HAGH: variants seen among roughly 807,000 people sequenced by gnomAD.
HAGH encodes hydroxyacylglutathione hydrolase, mitochondrial.
HAGH carries 29 observed loss-of-function variants against 35.1 expected under a neutral mutation model. The observed-to-expected ratio is 0.83, with a 90% CI of 0.62 to 1.13. The LOEUF (loss-of-function observed/expected upper bound fraction) is 1.13. Among genes scored for constraint, HAGH ranks in the 50% most tolerant of loss-of-function variants. HAGH has a pLI of 0.00. For synonymous variants in HAGH, 225 were observed against 176.1 expected (o/e 1.28, Z -2.20); for missense variants, 478 against 419.6 (o/e 1.14, Z -1.22).
At position 1,816,941 on chromosome 16, in the gene HAGH, G is replaced by A. The variant is rs368219673; in HGVS notation, c.699C>T (p.His233=). 104 of 1,613,794 alleles carry A rather than the reference G, an allele frequency of 6.4e-5. No individual in the cohort carries two copies. In the Middle Eastern group the frequency reaches 6.6e-4, roughly 10 times the overall value. Residue 233 remains histidine, a synonymous_variant, in exon 7 of 9, where the codon CAC becomes CAT. Coordinates refer to ENST00000397356, the MANE Select transcript of HAGH (RefSeq NM_005326.6). Reference sequence around the variant, plus strand: ...GGATGGCGGCATTGCCGGGCTCCACGTGGCGTGCAAACTTGAGGTTGTTGA... The same window carrying A: ...GGATGGCGGCATTGCCGGGCTCCACATGGCGTGCAAACTTGAGGTTGTTGA... ...YTINNLKFAR[H]VEPGNAAIRE...
upstream of HAGH, chr16:1,827,105 C>G: frequency 7.5e-7 from 1 of 1,341,638 alleles, no homozygotes; most frequent in Non-Finnish European, 1.0e-6. Context: ...GCCCGGGTAC[C>G]CGGCAGATCG....
upstream of HAGH, chr16:1,827,188 A>C (rs769621726): frequency 6.4e-7 from 1 of 1,562,282 alleles, no homozygotes; most frequent in South Asian, 1.2e-5. Context: ...TGCCGTAGGC[A>C]TCAGCTGACC....
chr16:1,809,393 C>G lies in HAGH; in HGVS notation c.828-11G>C. The G allele has an allele frequency of 1.2e-6, 2 of 1,602,834 alleles. No homozygotes were observed. Among genetic ancestry groups the G allele is most frequent in the Non-Finnish European group, 1.7e-6 (2 of 1,175,690 alleles). On this transcript the variant is annotated splice_polypyrimidine_tract_variant and intron_variant, in intron 8 of 8. Coordinates refer to ENST00000397356, the MANE Select transcript of HAGH (RefSeq NM_005326.6). ...TGCACCGTCTTCTCCCTGCGGAGGCCAGCACCGGGCTGCAGGCTGTGCCGA... is the reference window on the plus strand; with the variant it reads ...TGCACCGTCTTCTCCCTGCGGAGGCGAGCACCGGGCTGCAGGCTGTGCCGA...
intron 7 of HAGH, among the ~76,000 whole-genome samples, chr16:1,814,912 T>C (rs1397568293): frequency 7.8e-6 from 1 of 127,866 alleles, no homozygotes; most frequent in Non-Finnish European, 1.6e-5. Context: ...AACAAACAAA[T>C]AAATATATAT....
chr16:1,824,610 G>T (rs1335386346), intron 1 of HAGH, among the ~76,000 whole-genome samples: 1 of 152,176 alleles, frequency 6.6e-6, no homozygotes, highest in Non-Finnish European at 1.5e-5. Flanking sequence ...GCCACGGCAG[G>T]GGCTTCTCCC....
intron 1 of HAGH, 125 bp from the exon 2 acceptor site, chr16:1,823,162 T>G: frequency 1.2e-6 from 1 of 807,938 alleles, no homozygotes; most frequent in Non-Finnish European, 2.0e-6. Flanking sequence ...CCAGGTATGG[T>G]GGTTCTTGCC....
chr16:1,810,092 G>A (rs992118127), intron 7 of HAGH: 116 of 492,968 alleles, frequency 2.4e-4, no homozygotes, highest in Non-Finnish European at 5.2e-5. Flanking sequence ...TTGAGCACAG[G>A]TCGAGGCTAC....
intron 3 of HAGH, among the ~76,000 whole-genome samples, chr16:1,820,545 C>T (rs2268675): frequency 0.23 from 35,535 of 152,146 alleles, 4,260 homozygotes; most frequent in South Asian, 0.36. Context: ...CTAGACGCGG[C>T]CTGTCTGCAG....
At position 1,809,313 on chromosome 16, in the gene HAGH, C is replaced by G. The variant is rs774458756; in HGVS notation, c.897G>C (p.Glu299Asp). 3.1e-6 allele frequency: 5 copies of G among 1,613,504 alleles called. No homozygotes were observed. The highest frequency in any genetic ancestry group is 2.2e-5 in the East Asian group (1 of 44,882). ...CCCGGGGCATCTTGAACTGGTCCTT[C>G]TCCCTGCGCACGGCCCGCATGGTGG... The part of the protein sequence containing the change: ...PVTTMRAVRR[E>D]KDQFKMPRD Residue 299 changes from glutamate (E) to aspartate (D), a missense_variant, in exon 9 of 9, where the codon GAG (glutamate) becomes GAC (aspartate). Physicochemically the swap from Glu to Asp is conservative, Grantham distance 45 (BLOSUM62 2). Transcript: ENST00000397356.
At position 1,809,784 on chromosome 16, in the gene HAGH, T is replaced by A. The variant is rs770285165; in HGVS notation, c.797A>T (p.Glu266Val). 5 of 1,613,656 alleles carry A rather than the reference T, an allele frequency of 3.1e-6. No individual in the cohort carries two copies. The African/African-American group carries it at 4.0e-5, about 13-fold the overall frequency. Residue 266 changes from glutamate (E) to valine (V), a missense_variant, in exon 8 of 9, where the codon GAG becomes GTG. By Grantham distance (121) the Glu-to-Val change is moderately radical (BLOSUM62 -2). Transcript: ENST00000397356. ...TCTCATGAAGGGGTTGTAGGTAAAC[T>A]CCTCTGCCAGGGTGGATGGCACTGT... ...EPTVPSTLAEEFTYNPFMRVR... is the reference protein window; with the variant it reads ...EPTVPSTLAEVFTYNPFMRVR...
upstream of HAGH, chr16:1,827,150 G>A (rs545879432): frequency 3.5e-5 from 53 of 1,508,460 alleles, no homozygotes; most frequent in South Asian, 5.1e-5. Flanking sequence ...GGGGGACAGC[G>A]TTCCGAGGCA....
chr16:1,819,404 C>G lies in HAGH; in HGVS notation c.433-181G>C, dbSNP rs372520142. Among the ~76,000 whole-genome samples the G allele has an allele frequency of 2.1e-3, 323 of 152,318 alleles. 15 individuals are homozygous for G. In the South Asian group the frequency reaches 0.064, roughly 30 times the overall value. ...ACTCGCTCACTCCATGGGTGCGCCCCAAGTGCAGGGCCACCCTGGAACAAG... is the reference window on the plus strand; with the variant it reads ...ACTCGCTCACTCCATGGGTGCGCCCGAAGTGCAGGGCCACCCTGGAACAAG... On this transcript the variant is annotated intron_variant, in intron 4 of 8. Coordinates refer to ENST00000397356, the MANE Select transcript of HAGH (RefSeq NM_005326.6).
chr16:1,826,851 C>A (rs906248043), upstream of HAGH: 3 of 1,023,028 alleles, frequency 2.9e-6, no homozygotes, highest in African/African-American at 5.0e-5. Flanking sequence ...CGGCGCGTCG[C>A]AGCCAATCAG....
In HAGH at chr16:1,808,927, G is replaced by A. The variant is rs1018092293; in HGVS notation, c.*356C>T. On this transcript the variant is annotated 3_prime_UTR_variant, in exon 9 of 9. Coordinates refer to ENST00000397356, the MANE Select transcript of HAGH (RefSeq NM_005326.6). ...AGCACAGGCTGCAAAGGTACCGACC[G>A]CAGCAGTGGGCCTGACAGTCCCATC... is the stretch of plus-strand genomic sequence containing the variant. 40 of 238,510 alleles carry A rather than the reference G, an allele frequency of 1.7e-4. No individual in the cohort carries two copies. Among genetic ancestry groups the A allele is most frequent in the Non-Finnish European group, 2.5e-4 (30 of 122,404 alleles). 14.8% of individuals were successfully genotyped at this position (238,510 alleles called of 1,614,324 possible).
At chr16:1,823,948 C>A (rs58222621) in intron 1 of HAGH, among the ~76,000 whole-genome samples, 5,483 of 152,102 alleles carry the variant, frequency 0.036, 340 homozygotes, top group African/African-American at 0.12. Context: ...ATTATTCACA[C>A]CCCGGACTCA....
intron 7 of HAGH, among the ~76,000 whole-genome samples, chr16:1,812,763 A>C (rs1004771224): frequency 6.6e-6 from 1 of 152,252 alleles, no homozygotes; most frequent in Non-Finnish European, 1.5e-5. Context: ...TGTTGGCTCA[A>C]AAGATACTGC....
chr16:1,821,290 G>GA (rs1233761896), intron 3 of HAGH, among the ~76,000 whole-genome samples: 1 of 152,168 alleles, frequency 6.6e-6, no homozygotes, highest in African/African-American at 2.4e-5. Flanking sequence ...TGTGAACCAT[G>GA]ACGCTTCCAT....
chr16:1,819,947 C>G lies in HAGH; in HGVS notation c.382G>C (p.Asp128His). 2 of 1,613,324 alleles carry G rather than the reference C, an allele frequency of 1.2e-6. No homozygotes were observed. Reference protein sequence around the residue: ...ESGLKVYGGDDRIGALTHKIT... With the variant: ...ESGLKVYGGDHRIGALTHKIT... Reference sequence around the variant, plus strand: ...TTGTGAGTCAGGGCCCCGATACGGTCGTCACCCCCGTACACCTTCAGTCCC... The same window carrying G: ...TTGTGAGTCAGGGCCCCGATACGGTGGTCACCCCCGTACACCTTCAGTCCC... The change falls in exon 4 of 9, where the codon GAC becomes CAC. Residue 128 changes from aspartate (D) to histidine (H), a missense_variant. Physicochemically the swap from Asp to His is moderately conservative, Grantham distance 81. Coordinates refer to ENST00000397356, the MANE Select transcript of HAGH (RefSeq NM_005326.6).
chr16:1,812,312 T>A (rs915881893), intron 7 of HAGH: 5 of 150,532 alleles, frequency 3.3e-5, no homozygotes, highest in Non-Finnish European at 7.4e-5. Flanking sequence ...GAGATCAGCC[T>A]GGCCAACATG....
Sources: allele counts gnomAD v4.1 joint callset (sites outside exome capture counted in the v4.1 genomes callset), GRCh38; gene constraint gnomAD v4.1.1; transcripts MANE v1.5; gene names NCBI Gene and HGNC (gene_info 2026-07-23, HGNC 2026-07-21).